The following SYTL3 variants were observed in gnomAD, a reference collection of about 807,000 sequenced individuals.
The protein encoded by SYTL3 is synaptotagmin-like protein 3.
SYTL3 carries 88 observed loss-of-function variants against 82.1 expected under a neutral mutation model. That is an observed-to-expected ratio of 1.07 (90% confidence interval 0.90 to 1.28). The LOEUF (loss-of-function observed/expected upper bound fraction) is 1.28. Ranked by LOEUF, SYTL3 falls within the 50% of genes most tolerant of loss-of-function variation. SYTL3 has a pLI of 0.00. For missense variants in SYTL3, 831 were observed against 757.6 expected, an observed-to-expected ratio of 1.10 and a Z score of -1.14; for synonymous variants, 311 against 289.4, an observed-to-expected ratio of 1.07 and a Z score of -0.76.
In SYTL3 at chr6:158,757,358, C is replaced by T. The variant is rs139194153; in HGVS notation, c.1285C>T (p.Arg429Cys). 1.5e-3 allele frequency: 2,417 copies of T among 1,613,990 alleles called. 4 individuals are homozygous for T. The highest frequency in any genetic ancestry group is 1.5e-3 in the Non-Finnish European group (1,783 of 1,179,976). ...DFEDSTTQSFRWHPLRAKAEK... is the reference protein window; with the variant it reads ...DFEDSTTQSFCWHPLRAKAEK... Reference sequence around the variant, plus strand: ...TGAAGACAGCACAACACAGTCCTTCCGCTGGCATCCGCTCCGGGCCAAGGT... The same window carrying T: ...TGAAGACAGCACAACACAGTCCTTCTGCTGGCATCCGCTCCGGGCCAAGGT... The change falls in exon 14 of 18, where the codon CGC (arginine) becomes TGC (cysteine). Residue 429 changes from arginine to cysteine, a missense_variant. Arg to Cys is a radical substitution (Grantham distance 180). Transcript: ENST00000611299.
In SYTL3 at chr6:158,745,580, A is replaced by G. The variant is rs1787520470; in HGVS notation, c.956A>G (p.Lys319Arg). Residue 319 changes from lysine to arginine, a missense_variant, in exon 12 of 18, where the codon AAA (lysine) becomes AGA (arginine). Coordinates refer to ENST00000611299, the MANE Select transcript of SYTL3 (RefSeq NM_001242394.2). Reference protein sequence around the residue: ...EIEFAIHYCFKTHSLEICIKA... With the variant: ...EIEFAIHYCFRTHSLEICIKA... ...GAATTTGCCATTCATTATTGCTTCA[A>G]AACCCATTCTTTAGAAATATGCATC... The G allele has an allele frequency of 6.2e-7, 1 of 1,613,780 alleles. No homozygotes were observed. Among genetic ancestry groups the G allele is most frequent in the Non-Finnish European group, 8.5e-7 (1 of 1,179,970 alleles).
chr6:158,669,335 CTG>C (rs1174459511), intron 5 of SYTL3, among the ~76,000 whole-genome samples: 4 of 152,020 alleles, frequency 2.6e-5, no homozygotes, highest in African/African-American at 4.8e-5. Flanking sequence ...TTCCTTCAAA[CTG>C]TGATCTTCTT....
Position 158,764,726 on chromosome 6 carries a change from G to A in SYTL3, c.*122G>A, listed in dbSNP as rs547171687. ...CTTTGACCTTGAGCAGTCTCCATCT[G>A]CGGCCCTGTCCCATGGCTTAACCGC... On this transcript the variant is annotated 3_prime_UTR_variant, in exon 18 of 18. Coordinates refer to ENST00000611299, the MANE Select transcript of SYTL3 (RefSeq NM_001242394.2). 5.4e-4 allele frequency: 362 copies of A among 672,476 alleles called. No individual in the cohort carries two copies. The highest frequency in any genetic ancestry group is 7.7e-4 in the Non-Finnish European group (287 of 373,666). 41.7% of individuals were successfully genotyped at this position (672,476 alleles called of 1,614,324 possible). A position where few individuals can be genotyped will look rare whatever the true frequency, so the allele number is the denominator to read the frequency against.
intron 8 of SYTL3, among the ~76,000 whole-genome samples, chr6:158,711,850 A>G (rs1159933503): frequency 1.3e-5 from 2 of 152,188 alleles, no homozygotes; most frequent in Non-Finnish European, 2.9e-5. Flanking sequence ...GAGGACGACC[A>G]GAGGTCACTC....
chr6:158,654,176 T>C (rs117731454), intron 2 of SYTL3, among the ~76,000 whole-genome samples: 242 of 152,270 alleles, frequency 1.6e-3, no homozygotes, highest in Admixed American at 3.0e-3. Flanking sequence ...ACCAGCCCTC[T>C]CTGCTCCTGT....
intron 13 of SYTL3, among the ~76,000 whole-genome samples, chr6:158,754,624 G>A (rs1788831763): frequency 6.6e-6 from 1 of 152,240 alleles, no homozygotes; most frequent in African/African-American, 2.4e-5. Context: ...GGAGGCTGAG[G>A]CAGGAGAATG....
chr6:158,698,167 C>A (rs190083012), intron 6 of SYTL3, among the ~76,000 whole-genome samples: 47 of 152,090 alleles, frequency 3.1e-4, no homozygotes, highest in Non-Finnish European at 1.8e-4. Context: ...AAGGCAGAGG[C>A]GGGCAGATCA....
intron 5 of SYTL3, among the ~76,000 whole-genome samples, chr6:158,676,195 A>G (rs892286462): frequency 3.3e-5 from 5 of 152,246 alleles, no homozygotes; most frequent in Non-Finnish European, 7.3e-5. Context: ...TGGTACTGTT[A>G]CCAAAACAGA....
At chr6:158,744,615 G>A (rs1042652938) in intron 11 of SYTL3, among the ~76,000 whole-genome samples, 7 of 152,114 alleles carry the variant, frequency 4.6e-5, no homozygotes, top group East Asian at 1.9e-4. Flanking sequence ...CACTGCACCC[G>A]GCACTCCCAT....
chr6:158,655,268 G>A (rs1788545456), intron 2 of SYTL3, among the ~76,000 whole-genome samples: 1 of 152,186 alleles, frequency 6.6e-6, no homozygotes, highest in Admixed American at 6.5e-5. Context: ...GGACTCACTT[G>A]CCCCCTGCCC....
intron 12 of SYTL3, 99 bp downstream of exon 12, chr6:158,745,757 A>AC (rs1480332859): frequency 2.7e-5 from 28 of 1,043,350 alleles, no homozygotes; most frequent in Non-Finnish European, 3.1e-5. Context: ...TATTAAAAAA[A>AC]AAAACAAAAT....
chr6:158,665,606 G>C lies in SYTL3; in HGVS notation c.322G>C (p.Glu108Gln), dbSNP rs751441226. 14 of 1,559,176 alleles carry C rather than the reference G, an allele frequency of 9.0e-6. No homozygotes were observed. Among genetic ancestry groups the C allele is most frequent in the Admixed American group, 7.8e-5 (4 of 51,228 alleles). Reference sequence around the variant, plus strand: ...TGCCTGGAAGTGCACGGTGTGCTTCGAGGACAGGTAAGCATGGCCGGTGGT... The same window carrying C: ...TGCCTGGAAGTGCACGGTGTGCTTCCAGGACAGGTAAGCATGGCCGGTGGT... Reference protein sequence around the residue: ...THAWKCTVCFEDRNVKIKTGE... With the variant: ...THAWKCTVCFQDRNVKIKTGE... The change falls in exon 5 of 18, where the codon GAG (glutamate) becomes CAG (glutamine). Residue 108 changes from glutamate (E) to glutamine (Q), a missense_variant. By Grantham distance (29) the Glu-to-Gln change is conservative. Coordinates refer to ENST00000611299, the MANE Select transcript of SYTL3 (RefSeq NM_001242394.2).
chr6:158,739,070 C>G (rs1252073648), intron 11 of SYTL3, among the ~76,000 whole-genome samples: 1 of 152,246 alleles, frequency 6.6e-6, no homozygotes, highest in African/African-American at 2.4e-5. Flanking sequence ...TCTCTTCCTG[C>G]CCTTCTGTAC....
chr6:158,754,201 T>C (rs1182569778), intron 13 of SYTL3, among the ~76,000 whole-genome samples: 1 of 152,124 alleles, frequency 6.6e-6, no homozygotes, highest in African/African-American at 2.4e-5. Context: ...TCCTCAAATT[T>C]TTCTGAGCAG....
intron 4 of SYTL3, among the ~76,000 whole-genome samples, chr6:158,664,352 C>G (rs894160579): frequency 1.3e-5 from 2 of 152,168 alleles, no homozygotes; most frequent in Non-Finnish European, 2.9e-5. Context: ...TGAGACCAGC[C>G]TGGCCAACAT....
intron 8 of SYTL3, among the ~76,000 whole-genome samples, chr6:158,711,044 C>T (rs955514758): frequency 3.3e-5 from 5 of 152,064 alleles, no homozygotes; most frequent in Admixed American, 1.3e-4. Flanking sequence ...GCTCCCAAAG[C>T]GCTGGGGTTA....
At chr6:158,702,533 C>T (rs1409905837) in intron 6 of SYTL3, among the ~76,000 whole-genome samples, 3 of 151,002 alleles carry the variant, frequency 2.0e-5, no homozygotes, top group African/African-American at 7.4e-5. Flanking sequence ...CAGAGTAAAA[C>T]CCCGTCTCAA....
At chr6:158,670,957 C>G (rs996630722) in intron 5 of SYTL3, among the ~76,000 whole-genome samples, 1 of 151,812 alleles carries the variant, frequency 6.6e-6, no homozygotes, top group South Asian at 2.1e-4. Context: ...CGCCCACCAC[C>G]AAGCCCGGCT....
At chr6:158,703,889 G>T (rs1781631655) in intron 6 of SYTL3, among the ~76,000 whole-genome samples, 1 of 150,002 alleles carries the variant, frequency 6.7e-6, no homozygotes, top group African/African-American at 2.5e-5. Context: ...TCCCAGGCTG[G>T]AGTGCAGTGG....
Sources: gnomAD v4.1 joint callset for allele counts (sites outside exome capture counted in the v4.1 genomes callset) on GRCh38, gnomAD v4.1.1 for gene constraint, MANE v1.5 for transcripts, NCBI Gene and HGNC (gene_info 2026-07-23, HGNC 2026-07-21) for gene names.